SNX29: variants seen among roughly 807,000 people sequenced by gnomAD.
SNX29 encodes the protein sorting nexin 29.
In SNX29, 78 loss-of-function variants were observed where a neutral mutation model predicts 102.1. The observed-to-expected ratio is 0.76, with a 90% CI of 0.64 to 0.92. SNX29 has a LOEUF of 0.92. Ranked by LOEUF, SNX29 falls within the 40% of genes least tolerant of loss-of-function variation. SNX29 has a pLI of 0.00. For missense variants in SNX29, 1,280 were observed against 1,061.7 expected, an observed-to-expected ratio of 1.21 and a Z score of -2.86; for synonymous variants, 580 against 414.5, an observed-to-expected ratio of 1.40 and a Z score of -4.85.
At chr16:12,537,681 T>C (rs1014131989) in intron 20 of SNX29, among the ~76,000 whole-genome samples, 2 of 152,204 alleles carry the variant, frequency 1.3e-5, no homozygotes, top group African/African-American at 2.4e-5. Context: ...TTTTTAAACA[T>C]TGGAGCATCT....
intron 16 of SNX29, among the ~76,000 whole-genome samples, chr16:12,361,857 A>AC (rs761538598): frequency 9.0e-4 from 136 of 151,338 alleles, no homozygotes; most frequent in Non-Finnish European, 1.1e-3. Flanking sequence ...CCTTTCTCTT[A>AC]CCCCCTGATT....
At chr16:12,512,812 C>A (rs368969045) in intron 19 of SNX29, among the ~76,000 whole-genome samples, 1 of 152,158 alleles carries the variant, frequency 6.6e-6, no homozygotes, top group African/African-American at 2.4e-5. Context: ...GAACTGAATC[C>A]GATCCCATGG....
At chr16:12,300,610 T>C (rs1416409749) in intron 15 of SNX29, among the ~76,000 whole-genome samples, 1 of 152,182 alleles carries the variant, frequency 6.6e-6, no homozygotes, top group South Asian at 2.1e-4. Context: ...TGAGAGAGAA[T>C]AGCAACACAA....
intron 1 of SNX29, among the ~76,000 whole-genome samples, chr16:11,978,569 G>T (rs201242594): frequency 3.9e-5 from 6 of 152,184 alleles, no homozygotes; most frequent in East Asian, 3.8e-4. Flanking sequence ...GAGCTCATGT[G>T]GGGTAGGAGT....
At chr16:12,469,871 A>T (rs187360296) in intron 18 of SNX29, among the ~76,000 whole-genome samples, 40 of 152,262 alleles carry the variant, frequency 2.6e-4, no homozygotes, top group Admixed American at 2.2e-3. Flanking sequence ...TTAACCAGGC[A>T]TGGTGGCTTG....
At chr16:12,551,256 T>C (rs1352302004) in intron 20 of SNX29, among the ~76,000 whole-genome samples, 1 of 152,118 alleles carries the variant, frequency 6.6e-6, no homozygotes, top group Non-Finnish European at 1.5e-5. Context: ...AAATCACTGC[T>C]CCGGAGGTTC....
chr16:12,315,021 A>C (rs571372357), intron 15 of SNX29, among the ~76,000 whole-genome samples: 1 of 152,238 alleles, frequency 6.6e-6, no homozygotes, highest in African/African-American at 2.4e-5. Flanking sequence ...TTGACAGGCA[A>C]TTCTGTTCCC....
chr16:12,341,483 T>C (rs987424672), intron 15 of SNX29, among the ~76,000 whole-genome samples: 1 of 152,268 alleles, frequency 6.6e-6, no homozygotes, highest in Non-Finnish European at 1.5e-5. Context: ...GGATTGGTTC[T>C]GCCACAGTAA....
At chr16:12,307,444 G>A (rs1037406172) in intron 15 of SNX29, among the ~76,000 whole-genome samples, 13 of 152,200 alleles carry the variant, frequency 8.5e-5, no homozygotes, top group South Asian at 4.1e-4. Flanking sequence ...AGTGCCAGGC[G>A]TGTGGAATTC....
chr16:12,321,877 C>A (rs2080943796), intron 15 of SNX29, among the ~76,000 whole-genome samples: 1 of 152,164 alleles, frequency 6.6e-6, no homozygotes, highest in South Asian at 2.1e-4. Context: ...GGGGATATCA[C>A]AGCTGTGCCA....
intron 12 of SNX29, 92 bp from the exon 13 acceptor site, chr16:12,129,538 G>A: frequency 6.8e-7 from 1 of 1,465,352 alleles, no homozygotes; most frequent in South Asian, 1.4e-5. Flanking sequence ...AAAACGCATG[G>A]CTTAGGACTT....
At chr16:12,394,151 C>G (rs1455103355) in intron 16 of SNX29, among the ~76,000 whole-genome samples, 1 of 152,190 alleles carries the variant, frequency 6.6e-6, no homozygotes, top group East Asian at 1.9e-4. Context: ...TAAGGAGGCT[C>G]AAGGTTTTAG....
rs953885122 is a variant in SNX29 at position 12,571,766 on chromosome 16, G to C, written c.*3137G>C. On this transcript the variant is annotated 3_prime_UTR_variant, in exon 21 of 21. Coordinates refer to ENST00000566228, the MANE Select transcript of SNX29 (RefSeq NM_032167.5). ...GCCCAACCATCCACTCCTGATCTGA[G>C]ACAGAACCTTCTCCGCCACTCTTCC... 28 of 1,013,664 alleles carry C rather than the reference G, an allele frequency of 2.8e-5. No individual in the cohort carries two copies. In the African/African-American group the frequency reaches 4.2e-4, roughly 15 times the overall value. The allele number at this position is 1,013,664 out of a possible 1,614,324, so 62.8% of individuals were successfully genotyped here. A position where few individuals can be genotyped will look rare whatever the true frequency, so the allele number is the denominator to read the frequency against.
intron 16 of SNX29, among the ~76,000 whole-genome samples, chr16:12,368,693 G>T (rs540238403): frequency 6.6e-6 from 1 of 152,332 alleles, no homozygotes; most frequent in African/African-American, 2.4e-5. Context: ...GGGATTGGAA[G>T]GCAGCTTTTT....
intron 18 of SNX29, among the ~76,000 whole-genome samples, chr16:12,420,172 G>T (rs2084814237): frequency 1.3e-5 from 2 of 152,234 alleles, no homozygotes; most frequent in Admixed American, 1.3e-4. Flanking sequence ...AAGCTAAGAT[G>T]TCTCCAGCAT....
intron 11 of SNX29, among the ~76,000 whole-genome samples, chr16:12,109,608 C>T (rs553367829): frequency 1.3e-5 from 2 of 152,240 alleles, no homozygotes; most frequent in East Asian, 1.9e-4. Context: ...CTCATGCATG[C>T]ACCACGAAGC....
rs1400321254 is a variant in SNX29, at chr16:12,203,074, A to T, written c.1678+3391A>T. Among the ~76,000 whole-genome samples the T allele has an allele frequency of 2.0e-5, 3 of 150,484 alleles. No homozygotes were observed. The East Asian group carries it at 5.9e-4, about 29-fold the overall frequency. ...AGGTGGACTGGTGGCATTGGAGGTG[A>T]CAGCTCTCAAGTTGTGTAGTGTGGC... On this transcript the variant is annotated intron_variant, in intron 14 of 20. Transcript: ENST00000566228.
In SNX29 at chr16:12,106,889, C is replaced by A. The variant is rs1218637037; in HGVS notation, c.1403-19744C>A. ...GCAGTGCAGTGGCACGATTATGGCT[C>A]CCTGCTGCCTTGTACTCCTGGACTC... On this transcript the variant is annotated intron_variant, in intron 11 of 20. Coordinates refer to ENST00000566228, the MANE Select transcript of SNX29 (RefSeq NM_032167.5). 2.6e-5 allele frequency among the ~76,000 whole-genome samples: 4 copies of A among 152,132 alleles called. No individual in the cohort carries two copies. In the East Asian group the frequency reaches 7.7e-4, roughly 29 times the overall value.
intron 13 of SNX29, among the ~76,000 whole-genome samples, chr16:12,193,783 C>T (rs149397102): frequency 5.9e-5 from 9 of 152,304 alleles, no homozygotes; most frequent in Admixed American, 2.6e-4. Context: ...TTCCTACCTT[C>T]GTCACATTGC....
Sources: allele counts gnomAD v4.1 joint callset (sites outside exome capture counted in the v4.1 genomes callset), GRCh38; gene constraint gnomAD v4.1.1; transcripts MANE v1.5; gene names NCBI Gene and HGNC (gene_info 2026-07-23, HGNC 2026-07-21).